SKIL: variants seen among roughly 807,000 people sequenced by gnomAD.
The protein encoded by SKIL is SKI like proto-oncogene, also known as ski-like protein.
A neutral mutation model predicts 69.6 loss-of-function variants in SKIL; 20 were observed. The observed-to-expected ratio is 0.29, with a 90% confidence interval of 0.20 to 0.42. The LOEUF (loss-of-function observed/expected upper bound fraction) is 0.42. Ranked by LOEUF, SKIL falls within the 10% of genes least tolerant of loss-of-function variation. SKIL has a pLI of 1.00. For synonymous variants in SKIL, 310 were observed against 279.9 expected, an observed-to-expected ratio of 1.11 and a Z score of -1.08; for missense variants, 745 against 783.1, an observed-to-expected ratio of 0.95 and a Z score of 0.58.
chr3:170,371,516 A>G (rs1173423791), intron 2 of SKIL, among the ~76,000 whole-genome samples: 2 of 152,204 alleles, frequency 1.3e-5, no homozygotes, highest in Non-Finnish European at 2.9e-5. Context: ...CAAAAAAAGA[A>G]AAAGAAAAAC....
At position 170,391,023 on chromosome 3, in the gene SKIL, C is replaced by G; in HGVS notation, c.1672-13C>G. 7.4e-7 allele frequency: 1 copy of G among 1,354,714 alleles called. No individual in the cohort carries two copies. Among genetic ancestry groups the G allele is most frequent in the Non-Finnish European group, 1.0e-6 (1 of 961,564 alleles). 83.9% of individuals were successfully genotyped at this position (1,354,714 alleles called of 1,614,324 possible). A position where few individuals can be genotyped will look rare whatever the true frequency, so the allele number is the denominator to read the frequency against. On this transcript the variant is annotated splice_polypyrimidine_tract_variant and intron_variant, in intron 5 of 6. Coordinates refer to ENST00000259119, the MANE Select transcript of SKIL (RefSeq NM_005414.5). ...ATAAAGTAAAACTTGTATTGTGATT[C>G]TTTACATTACAGGAAGTAAAAATGT... is the stretch of plus-strand genomic sequence containing the variant.
rs1276564907 is a variant in SKIL, at chr3:170,392,868, A to G, written c.*451A>G. Reference sequence around the variant, plus strand: ...GAATCTCCCCTTTTCTCATTAACACAATTTTTCTAAGTTGATATGGTGTAC... The same window carrying G: ...GAATCTCCCCTTTTCTCATTAACACGATTTTTCTAAGTTGATATGGTGTAC... On this transcript the variant is annotated 3_prime_UTR_variant, in exon 7 of 7. Transcript: ENST00000259119. 6.6e-6 allele frequency: 1 copy of G among 152,454 alleles called. No individual in the cohort carries two copies. Among genetic ancestry groups the G allele is most frequent in the Non-Finnish European group, 1.5e-5 (1 of 68,248 alleles). The allele number at this position is 152,454 out of a possible 1,614,324, so 9.4% of individuals were successfully genotyped here.
Position 170,396,512 on chromosome 3 carries a change from T to C in SKIL, c.*4095T>C, listed in dbSNP as rs1184530484. 2 of 152,228 alleles carry C rather than the reference T, an allele frequency of 1.3e-5. No homozygotes were observed. Among genetic ancestry groups the C allele is most frequent in the East Asian group, 1.9e-4 (1 of 5,202 alleles). The allele number at this position is 152,228 out of a possible 1,614,324, so 9.4% of individuals were successfully genotyped here. On this transcript the variant is annotated 3_prime_UTR_variant, in exon 7 of 7. Transcript: ENST00000259119. Reference sequence around the variant, plus strand: ...CTGTTGAAACAAATAATTGGCTACATTGACCATAATTAAAGTTAAAATTTT... The same window carrying C: ...CTGTTGAAACAAATAATTGGCTACACTGACCATAATTAAAGTTAAAATTTT...
intron 6 of SKIL, among the ~76,000 whole-genome samples, chr3:170,391,622 G>T (rs541232558): frequency 6.6e-6 from 1 of 151,966 alleles, no homozygotes; most frequent in Non-Finnish European, 1.5e-5. Flanking sequence ...CCCGGCCACC[G>T]TTACTTCTCT....
chr3:170,362,796 CAG>C (rs528652802), intron 2 of SKIL, among the ~76,000 whole-genome samples: 58 of 148,972 alleles, frequency 3.9e-4, no homozygotes, highest in Non-Finnish European at 7.4e-4. Context: ...TCCTGGGCGT[CAG>C]AGTAAGACTC....
intron 4 of SKIL, among the ~76,000 whole-genome samples, chr3:170,386,331 T>C (rs1330387546): frequency 6.6e-6 from 1 of 151,638 alleles, no homozygotes; most frequent in Non-Finnish European, 1.5e-5. Flanking sequence ...GGTTTTTCCA[T>C]GTTGGTCAGT....
At chr3:170,381,393 C>G in intron 3 of SKIL, 52 bp downstream of exon 3, 1 of 861,676 alleles carries the variant, frequency 1.2e-6, no homozygotes, top group Non-Finnish European at 2.0e-6. Context: ...CATTCAACAA[C>G]TATATGCCAT....
chr3:170,380,995 ATTTTTTT>A (rs35175326), intron 2 of SKIL, among the ~76,000 whole-genome samples: 1 of 140,108 alleles, frequency 7.1e-6, no homozygotes, highest in South Asian at 2.3e-4. Context: ...CAACTGGCTA[ATTTTTTT>A]TTTTTTTTTT....
At chr3:170,370,205 C>T (rs1261118583) in intron 2 of SKIL, among the ~76,000 whole-genome samples, 3 of 152,024 alleles carry the variant, frequency 2.0e-5, no homozygotes, top group Non-Finnish European at 4.4e-5. Flanking sequence ...CGCCACTGCA[C>T]TCCAGCCTGG....
chr3:170,381,208 C>T lies in SKIL; in HGVS notation c.1099-36C>T, dbSNP rs779185012. 6 of 1,148,646 alleles carry T rather than the reference C, an allele frequency of 5.2e-6. No homozygotes were observed. The Admixed American group carries it at 1.0e-4, about 19-fold the overall frequency. The allele number at this position is 1,148,646 out of a possible 1,614,324, so 71.2% of individuals were successfully genotyped here. A position where few individuals can be genotyped will look rare whatever the true frequency, so the allele number is the denominator to read the frequency against. On this transcript the variant is annotated intron_variant, in intron 2 of 6. Transcript: ENST00000259119. ...CATAAAATTAACCTTCACAGTTTTA[C>T]TTCAATAAATGTTTCCCTTCCATGT...
chr3:170,384,894 C>G, intron 4 of SKIL, 129 bp downstream of exon 4: 1 of 576,320 alleles, frequency 1.7e-6, no homozygotes, highest in East Asian at 2.9e-5. Flanking sequence ...AAAAATGCTA[C>G]CCTTCAAAAC....
chr3:170,361,416 G>C lies in SKIL; in HGVS notation c.1085G>C (p.Arg362Thr). The C allele has an allele frequency of 6.4e-7, 1 of 1,573,162 alleles. No individual in the cohort carries two copies. The highest frequency in any genetic ancestry group is 8.6e-7 in the Non-Finnish European group (1 of 1,165,030). Reference protein sequence around the residue: ...KEKFSMRSGKRNQSKTDAPSG... With the variant: ...KEKFSMRSGKTNQSKTDAPSG... Reference sequence around the variant, plus strand: ...AAGTTTAGCATGAGAAGTGGAAAGAGAAATCAATCCAAGGCAAGTTTTTTA... The same window carrying C: ...AAGTTTAGCATGAGAAGTGGAAAGACAAATCAATCCAAGGCAAGTTTTTTA... Residue 362 changes from arginine (R) to threonine (T), a missense_variant, in exon 2 of 7, where the codon AGA (arginine) becomes ACA (threonine). Arg to Thr is a moderately conservative substitution (Grantham distance 71, BLOSUM62 -1). Coordinates refer to ENST00000259119, the MANE Select transcript of SKIL (RefSeq NM_005414.5).
chr3:170,383,127 A>T (rs1198286944), intron 3 of SKIL, among the ~76,000 whole-genome samples: 1 of 152,064 alleles, frequency 6.6e-6, no homozygotes, highest in East Asian at 1.9e-4. Flanking sequence ...TTCACCCTAG[A>T]TTGTAAGTTT....
At chr3:170,371,707 C>G (rs183039034) in intron 2 of SKIL, among the ~76,000 whole-genome samples, 3 of 152,236 alleles carry the variant, frequency 2.0e-5, no homozygotes, top group South Asian at 2.1e-4. Flanking sequence ...TCCCAGTGAT[C>G]GTACTGGTAC....
At chr3:170,364,911 T>C (rs555089981) in intron 2 of SKIL, among the ~76,000 whole-genome samples, 1 of 152,366 alleles carries the variant, frequency 6.6e-6, no homozygotes, top group East Asian at 1.9e-4. Flanking sequence ...TGCTGTGTTA[T>C]ATTTTGCAGT....
At position 170,361,166 on chromosome 3, in the gene SKIL, C is replaced by T. The variant is rs1478122773; in HGVS notation, c.835C>T (p.Gln279Ter). ...LGKCQGLFAP[Q>*]FYVQPDAPCI... is the part of the protein sequence containing the mutation. The stretch of plus-strand genomic sequence containing the variant: ...CAAATGTCAGGGTTTATTTGCACCC[C>T]AGTTTTATGTTCAGCCTGATGCTCC... The change falls in exon 2 of 7, where the codon CAG becomes TAG. Residue 279 changes from glutamine (Q) to a stop codon, truncating the protein, a stop_gained. Coordinates refer to ENST00000259119, the MANE Select transcript of SKIL (RefSeq NM_005414.5). LOFTEE classifies it high-confidence loss of function. 1 of 1,614,204 alleles carries T rather than the reference C, an allele frequency of 6.2e-7. No individual in the cohort carries two copies. The highest frequency in any genetic ancestry group is 8.5e-7 in the Non-Finnish European group (1 of 1,180,034).
chr3:170,368,593 G>T (rs527311610), intron 2 of SKIL, among the ~76,000 whole-genome samples: 61 of 152,214 alleles, frequency 4.0e-4, no homozygotes, highest in African/African-American at 1.4e-3. Context: ...ATGTAGGATG[G>T]TATTTCAAAC....
chr3:170,375,985 G>GT (rs2108207182), intron 2 of SKIL, among the ~76,000 whole-genome samples: 1 of 133,470 alleles, frequency 7.5e-6, no homozygotes, highest in Admixed American at 7.4e-5. Flanking sequence ...AGCTTTCTTT[G>GT]TTTTTTAACA....
Position 170,393,936 on chromosome 3 carries a change from A to T in SKIL, c.*1519A>T, listed in dbSNP as rs1445861244. ...TTATTTTCATATTTTGCTTAATAGT[A>T]CATATCCAAAAAGAATTTTGTACTT... is the stretch of plus-strand genomic sequence containing the variant. On this transcript the variant is annotated 3_prime_UTR_variant, in exon 7 of 7. Coordinates refer to ENST00000259119, the MANE Select transcript of SKIL (RefSeq NM_005414.5). 1 of 152,062 alleles carries T rather than the reference A, an allele frequency of 6.6e-6. No homozygotes were observed. Among genetic ancestry groups the T allele is most frequent in the East Asian group, 1.9e-4 (1 of 5,196 alleles). The allele number at this position is 152,062 out of a possible 1,614,324, so 9.4% of individuals were successfully genotyped here. A position where few individuals can be genotyped will look rare whatever the true frequency, so the allele number is the denominator to read the frequency against.
Sources: allele counts gnomAD v4.1 joint callset (sites outside exome capture counted in the v4.1 genomes callset), GRCh38; gene constraint gnomAD v4.1.1; transcripts MANE v1.5; gene names NCBI Gene and HGNC (gene_info 2026-07-23, HGNC 2026-07-21).